Variants in ZNF33B observed in about 807,000 individuals in gnomAD.
ZNF33B encodes zinc finger protein 33B, also known as zinc finger protein 11b (KOX 2).
A neutral mutation model predicts 45.8 loss-of-function variants in ZNF33B; 29 were observed. The ratio of observed to expected loss-of-function variants is 0.63; its 90% CI spans 0.47 to 0.86. The LOEUF (loss-of-function observed/expected upper bound fraction) is 0.86. Among genes scored for constraint, ZNF33B ranks in the 40% least tolerant of loss-of-function variants. The pLI, the probability that ZNF33B is intolerant of heterozygous loss-of-function variation, is 0.00. For synonymous variants in ZNF33B, 305 were observed against 307.8 expected (o/e 0.99, Z 0.10); for missense variants, 831 against 909.9 (o/e 0.91, Z 1.12).
chr10:42,637,020 G>T lies in ZNF33B; in HGVS notation c.-44-48C>A, dbSNP rs562342770. 1.1e-5 allele frequency: 18 copies of T among 1,588,336 alleles called. No homozygotes were observed. The South Asian group carries it at 1.8e-4, about 16-fold the overall frequency. The stretch of plus-strand genomic sequence containing the variant: ...GGGTCATGAAAGATTTGGCCTGCCT[G>T]GCAACTCCCGGATTCTTCTGCCCTA... On this transcript the variant is annotated intron_variant, in intron 1 of 4. Coordinates refer to ENST00000359467, the MANE Select transcript of ZNF33B (RefSeq NM_006955.3).
At chr10:42,604,641 G>C (rs1312061085) in intron 4 of ZNF33B, among the ~76,000 whole-genome samples, 1 of 150,820 alleles carries the variant, frequency 6.6e-6, no homozygotes, top group Non-Finnish European at 1.5e-5. Flanking sequence ...GGCCAGGTGG[G>C]GTGGCTCACG....
At chr10:42,584,741 A>C (rs1836896397), downstream of ZNF33B, among the ~76,000 whole-genome samples, 1 of 152,122 alleles carries the variant, frequency 6.6e-6, no homozygotes, top group African/African-American at 2.4e-5. Flanking sequence ...AGCTGGTCTC[A>C]AACTCCTGAC....
intron 4 of ZNF33B, among the ~76,000 whole-genome samples, chr10:42,608,569 G>A (rs1837962971): frequency 6.6e-6 from 1 of 151,832 alleles, no homozygotes; most frequent in Non-Finnish European, 1.5e-5. Context: ...GAAGCAATAA[G>A]AAGGCAAATT....
chr10:42,607,932 T>C (rs1837934697), intron 4 of ZNF33B, among the ~76,000 whole-genome samples: 1 of 152,152 alleles, frequency 6.6e-6, no homozygotes, highest in Admixed American at 6.6e-5. Context: ...TCTCAGGTTG[T>C]TGAAAGTGTG....
intron 1 of ZNF33B, among the ~76,000 whole-genome samples, chr10:42,576,970 TAAG>T (rs1836757233): frequency 6.6e-6 from 1 of 151,922 alleles, no homozygotes; most frequent in Non-Finnish European, 1.5e-5. Flanking sequence ...CTGTCTCTAC[TAAG>T]AATACAAAAA....
At chr10:42,606,498 G>A (rs967102118) in intron 4 of ZNF33B, among the ~76,000 whole-genome samples, 1 of 152,118 alleles carries the variant, frequency 6.6e-6, no homozygotes, top group Non-Finnish European at 1.5e-5. Context: ...ATCTGTACTG[G>A]AGTAAGGAAA....
rs1370212677 is a variant in ZNF33B at position 42,615,949 on chromosome 10, G to A, written c.250+15980C>T. Reference sequence around the variant, plus strand: ...TCAAAAAAACAATTGTCGGCTGGGTGCGGTGGCTTACGCCTGTAATCTCAG... The same window carrying A: ...TCAAAAAAACAATTGTCGGCTGGGTACGGTGGCTTACGCCTGTAATCTCAG... On this transcript the variant is annotated intron_variant, in intron 4 of 4. Transcript: ENST00000359467. Among the ~76,000 whole-genome samples the A allele has an allele frequency of 2.6e-5, 4 of 151,492 alleles. No individual in the cohort carries two copies. In the South Asian group the frequency reaches 8.4e-4, roughly 32 times the overall value.
intron 4 of ZNF33B, among the ~76,000 whole-genome samples, chr10:42,626,837 G>T (rs1176439630): frequency 6.6e-6 from 1 of 152,038 alleles, no homozygotes; most frequent in Non-Finnish European, 1.5e-5. Context: ...CTAGTACACA[G>T]AAATTGGTTT....
chr10:42,637,876 T>C (rs1406618121), intron 1 of ZNF33B, among the ~76,000 whole-genome samples: 1 of 152,104 alleles, frequency 6.6e-6, no homozygotes, highest in Non-Finnish European at 1.5e-5. Context: ...TGGTCTCGAA[T>C]TCCTGACCTC....
chr10:42,619,371 A>G lies in ZNF33B; in HGVS notation c.250+12558T>C, dbSNP rs184964096. 4.6e-5 allele frequency among the ~76,000 whole-genome samples: 7 copies of G among 152,304 alleles called. No individual in the cohort carries two copies. The East Asian group carries it at 9.6e-4, about 21-fold the overall frequency. On this transcript the variant is annotated intron_variant, in intron 4 of 4. Coordinates refer to ENST00000359467, the MANE Select transcript of ZNF33B (RefSeq NM_006955.3). ...TATAAATTCCTGAAAGAAAAACACT[A>G]TCATCTGAGAATTCTCTAGCTGGTA...
chr10:42,594,643 A>G lies in ZNF33B; in HGVS notation c.307T>C (p.Leu103=). The G allele has an allele frequency of 6.2e-7, 1 of 1,605,186 alleles. No homozygotes were observed. The highest frequency in any genetic ancestry group is 8.5e-7 in the Non-Finnish European group (1 of 1,177,260). Reference sequence around the variant, plus strand: ...TTATTGATGAATACAACTTCCCACAAATGTTTAGATTGATTTTCTTGGCTC... The same window carrying G: ...TTATTGATGAATACAACTTCCCACAGATGTTTAGATTGATTTTCTTGGCTC... The part of the protein sequence containing the change: ...ERSQENQSKH[L]WEVVFINNEM... Residue 103 remains leucine (L), a synonymous_variant, in exon 5 of 5, where the codon TTG becomes CTG. Coordinates refer to ENST00000359467, the MANE Select transcript of ZNF33B (RefSeq NM_006955.3).
At chr10:42,578,120 T>C (rs567217606) in intron 1 of ZNF33B, among the ~76,000 whole-genome samples, 6 of 152,106 alleles carry the variant, frequency 3.9e-5, no homozygotes, top group African/African-American at 7.2e-5. Context: ...TCAGGACTCA[T>C]TGGGCTAGCA....
chr10:42,632,554 T>C, intron 2 of ZNF33B, 115 bp from the exon 3 acceptor site: 3 of 1,373,772 alleles, frequency 2.2e-6, no homozygotes, highest in Middle Eastern at 1.9e-4. Flanking sequence ...AAAGAAATCA[T>C]AACAGAAATA....
intron 4 of ZNF33B, among the ~76,000 whole-genome samples, chr10:42,609,551 T>G (rs1032188820): frequency 2.6e-5 from 4 of 151,892 alleles, no homozygotes; most frequent in Non-Finnish European, 5.9e-5. Context: ...TCCAAGAAAA[T>G]AAGAAGAAAC....
intron 4 of ZNF33B, among the ~76,000 whole-genome samples, chr10:42,627,000 T>C (rs1357401970): frequency 1.3e-5 from 2 of 150,368 alleles, no homozygotes; most frequent in Admixed American, 1.3e-4. Context: ...TTCTATGTTG[T>C]CATTTTTCTT....
Position 42,593,164 on chromosome 10 carries a change from G to A in ZNF33B, c.1786C>T (p.Leu596=), listed in dbSNP as rs1564496231. 6.2e-7 allele frequency: 1 copy of A among 1,613,286 alleles called. No individual in the cohort carries two copies. The highest frequency in any genetic ancestry group is 1.7e-5 in the Admixed American group (1 of 59,922). ...GTATGTGTTCTATTATGTTTTGTTA[G>A]GTATGATTTATTGTAAAAGATTTTT... The part of the protein sequence containing the change: ...CGKIFYNKSY[L]TKHNRTHTGE... Residue 596 remains leucine, a synonymous_variant, in exon 5 of 5, where the codon CTA becomes TTA. Coordinates refer to ENST00000359467, the MANE Select transcript of ZNF33B (RefSeq NM_006955.3).
chr10:42,635,643 C>G (rs1839262992), intron 2 of ZNF33B, among the ~76,000 whole-genome samples: 1 of 151,092 alleles, frequency 6.6e-6, no homozygotes, highest in Non-Finnish European at 1.5e-5. Flanking sequence ...AACCCTGTCT[C>G]TACTAAAAAT....
chr10:42,610,587 A>G (rs1465020516), intron 4 of ZNF33B, among the ~76,000 whole-genome samples: 1 of 152,260 alleles, frequency 6.6e-6, no homozygotes, highest in South Asian at 2.1e-4. Context: ...ATCAAAAAGA[A>G]TAAAATACTT....
At chr10:42,581,198 G>T (rs537032140) in intron 1 of ZNF33B, among the ~76,000 whole-genome samples, 1 of 152,182 alleles carries the variant, frequency 6.6e-6, no homozygotes, top group Admixed American at 6.6e-5. Flanking sequence ...ATGAAAGTGT[G>T]GCCCGGGCTG....
Sources: allele counts gnomAD v4.1 joint callset (sites outside exome capture counted in the v4.1 genomes callset), GRCh38; gene constraint gnomAD v4.1.1; transcripts MANE v1.5; gene names NCBI Gene and HGNC (gene_info 2026-07-23, HGNC 2026-07-21).